The following SZT2 variants were observed in gnomAD, a reference collection of about 807,000 sequenced individuals.
SZT2 encodes the protein KICSTOR complex protein SZT2.
SZT2 carries 216 observed loss-of-function variants against 404.2 expected under a neutral mutation model. That is an observed-to-expected ratio of 0.53 (90% CI 0.48 to 0.60). The LOEUF is 0.60. Ranked by LOEUF, SZT2 falls within the 20% of genes least tolerant of loss-of-function variation. The probability of loss-of-function intolerance (pLI) is 0.00; values close to 1 mark genes in which losing one functional copy is unlikely to be tolerated. For synonymous variants in SZT2, 1,693 were observed against 1,749.9 expected (o/e 0.97, Z 0.81); for missense variants, 3,857 against 4,459.2 (o/e 0.86, Z 3.85).
chr1:43,436,138 A>G (rs1178826405), intron 42 of SZT2: 1 of 152,240 alleles, frequency 6.6e-6, no homozygotes, highest in African/African-American at 2.4e-5. Flanking sequence ...ACCCAGACGG[A>G]TAGAGGAAAA....
chr1:43,449,949 G>A, intron 70 of SZT2, 154 bp from the exon 71 acceptor site: 1 of 847,032 alleles, frequency 1.2e-6, no homozygotes, highest in African/African-American at 1.7e-5. Flanking sequence ...GAGGACTGAG[G>A]CTCAATTTGG....
rs369181651 is a variant in SZT2, at chr1:43,415,647, G to A, written c.631-313G>A. Among the ~76,000 whole-genome samples, 22 of 152,266 alleles carry A rather than the reference G, an allele frequency of 1.4e-4. 1 individual carries two copies. In the East Asian group the frequency reaches 3.5e-3, roughly 24 times the overall value. On this transcript the variant is annotated intron_variant, in intron 5 of 71. Transcript: ENST00000634258. ...TGACTGGTCATGTAATTTGATTGAGGTATAAAATATTTCATAACAGTGATG... is the reference window on the plus strand; with the variant it reads ...TGACTGGTCATGTAATTTGATTGAGATATAAAATATTTCATAACAGTGATG...
Position 43,440,435 on chromosome 1 carries a change from A to G in SZT2, c.7211-18A>G, listed in dbSNP as rs1211564590. 1.3e-6 allele frequency: 2 copies of G among 1,568,762 alleles called. No individual in the cohort carries two copies. Among genetic ancestry groups the G allele is most frequent in the African/African-American group, 2.7e-5 (2 of 73,110 alleles). ...TTGATGATCAGTGATGGGTGTCTGT[A>G]ATGTCTGATGTCCACAGGAAGTCTC... is the stretch of plus-strand genomic sequence containing the variant. On this transcript the variant is annotated intron_variant, in intron 51 of 71. Coordinates refer to ENST00000634258, the MANE Select transcript of SZT2 (RefSeq NM_001365999.1).
intron 1 of SZT2, among the ~76,000 whole-genome samples, chr1:43,395,324 G>GTC (rs1398878702): frequency 6.6e-6 from 1 of 152,136 alleles, no homozygotes; most frequent in Non-Finnish European, 1.5e-5. Context: ...GTGGGGCAGG[G>GTC]TCTTGCTCTG....
intron 4 of SZT2, chr1:43,405,025 CG>C (rs1342529985): frequency 1.3e-5 from 2 of 152,608 alleles, no homozygotes; most frequent in Admixed American, 6.5e-5. Context: ...TTTTTTGAGA[CG>C]GAGTTTCGCT....
At chr1:43,438,274 A>G (rs1429433032) in intron 46 of SZT2, 1 of 350,466 alleles carries the variant, frequency 2.9e-6, no homozygotes, top group African/African-American at 2.1e-5. Flanking sequence ...CACCGACCTG[A>G]TACCAGACTG....
chr1:43,428,645 C>T (rs1653481653), intron 28 of SZT2, 159 bp downstream of exon 28: 1 of 1,019,726 alleles, frequency 9.8e-7, no homozygotes, highest in Admixed American at 2.8e-5. Context: ...ATGCAGCCTT[C>T]CTCACCAATT....
intron 4 of SZT2, among the ~76,000 whole-genome samples, chr1:43,413,339 G>A (rs150766010): frequency 6.6e-6 from 1 of 152,274 alleles, no homozygotes; most frequent in African/African-American, 2.4e-5. Flanking sequence ...CCGAGATAGT[G>A]TCACTGCACT....
chr1:43,425,320 G>A lies in SZT2; in HGVS notation c.2645+113G>A, dbSNP rs529308657. ...TGATCTTGATCCCAAAGTCAGGGAG[G>A]GGGTGCGGTGTTTAGATGCTTCATC... On this transcript the variant is annotated intron_variant, in intron 18 of 71. Coordinates refer to ENST00000634258, the MANE Select transcript of SZT2 (RefSeq NM_001365999.1). The surrounding 1 kb of genome is among the most constrained non-coding windows in gnomAD (Gnocchi z 4.3). 6.6e-7 allele frequency: 1 copy of A among 1,510,142 alleles called. No individual in the cohort carries two copies. The highest frequency in any genetic ancestry group is 1.8e-5 in the Admixed American group (1 of 56,524). The allele number at this position is 1,510,142 out of a possible 1,614,324, so 93.5% of individuals were successfully genotyped here. A position where few individuals can be genotyped will look rare whatever the true frequency, so the allele number is the denominator to read the frequency against.
At position 43,425,564 on chromosome 1, in the gene SZT2, A is replaced by G; in HGVS notation, c.2736A>G (p.Pro912=). ...TGGTCACTGAGGTGTGGGTGGAGCC[A>G]CAGTATGGGCGAGTGGGACCTGGCC... is the stretch of plus-strand genomic sequence containing the variant. The part of the protein sequence containing the change: ...LNLVTEVWVE[P]QYGRVGPGPG... Residue 912 remains proline, a synonymous_variant, in exon 19 of 72, where the codon CCA becomes CCG. Coordinates refer to ENST00000634258, the MANE Select transcript of SZT2 (RefSeq NM_001365999.1). This position sits in a 1 kb window ranked among gnomAD's most constrained non-coding sequence, Gnocchi z 4.3. The G allele has an allele frequency of 6.2e-7, 1 of 1,614,192 alleles. No individual in the cohort carries two copies. The highest frequency in any genetic ancestry group is 1.6e-4 in the Middle Eastern group (1 of 6,062).
At position 43,442,584 on chromosome 1, in the gene SZT2, A is replaced by G; in HGVS notation, c.8117A>G (p.Tyr2706Cys). Reference protein sequence around the residue: ...LSQKLGLFHHYGQLDFPVRDE... With the variant: ...LSQKLGLFHHCGQLDFPVRDE... ...CAGAAGCTTGGCCTCTTCCATCATT[A>G]TGGCCAGTTGGACTTCCCCGTGCGA... Residue 2706 changes from tyrosine to cysteine, a missense_variant, in exon 58 of 72, where the codon TAT (tyrosine) becomes TGT (cysteine). By Grantham distance (194) the Tyr-to-Cys change is radical (BLOSUM62 -2). Coordinates refer to ENST00000634258, the MANE Select transcript of SZT2 (RefSeq NM_001365999.1). This position sits in a 1 kb window ranked among gnomAD's most constrained non-coding sequence, Gnocchi z 4.5. 6.2e-7 allele frequency: 1 copy of G among 1,611,914 alleles called. No individual in the cohort carries two copies.
chr1:43,427,622 G>C lies in SZT2; in HGVS notation c.3691G>C (p.Asp1231His). The change falls in exon 26 of 72, where the codon GAT becomes CAT. Residue 1231 changes from aspartate to histidine, a missense_variant. Physicochemically the swap from Asp to His is moderately conservative, Grantham distance 81. Around this residue, in one of 7 missense-constraint regions of SZT2, gnomAD observed 1,725 missense variants for 1,881.0 expected, o/e 0.92. Transcript: ENST00000634258. ...TCAGGCTTCCCAGACAGAGAGTGCG[G>C]ATGGGCCCCGGACCCGGTGTCCTGT... ...GRQASQTESA[D>H]GPRTRCPVYI... 6.2e-7 allele frequency: 1 copy of C among 1,614,222 alleles called. No individual in the cohort carries two copies. The highest frequency in any genetic ancestry group is 8.5e-7 in the Non-Finnish European group (1 of 1,180,036).
Position 43,439,053 on chromosome 1 carries a change from C to T in SZT2, c.6752C>T (p.Ser2251Phe). ...LRQNLLIFLH[S>F]PKYTDSNSRN... ...CAGAACTTGCTCATCTTCCTGCACT[C>T]TCCCAAGTACACAGATAGCAACAGC... is the stretch of plus-strand genomic sequence containing the variant. Residue 2251 changes from serine (S) to phenylalanine (F), a missense_variant, in exon 48 of 72, where the codon TCT becomes TTT. By Grantham distance (155) the Ser-to-Phe change is radical (BLOSUM62 -2). This residue lies in a region of SZT2 where 261 missense variants were observed against 372.9 expected (regional missense o/e 0.70). Coordinates refer to ENST00000634258, the MANE Select transcript of SZT2 (RefSeq NM_001365999.1). The surrounding 1 kb of genome is among the most constrained non-coding windows in gnomAD (Gnocchi z 4.2). The T allele has an allele frequency of 1.2e-6, 2 of 1,614,230 alleles. No homozygotes were observed. Among genetic ancestry groups the T allele is most frequent in the African/African-American group, 2.7e-5 (2 of 75,060 alleles).
chr1:43,432,219 T>C (rs1047331613), intron 36 of SZT2, 53 bp from the exon 37 acceptor site: 28 of 1,500,624 alleles, frequency 1.9e-5, no homozygotes, highest in African/African-American at 2.8e-5. Flanking sequence ...TAGCTCACCA[T>C]GTGTAGGGAG....
intron 70 of SZT2, 195 bp from the exon 71 acceptor site, chr1:43,449,908 C>A: frequency 1.5e-6 from 1 of 662,352 alleles, no homozygotes; most frequent in South Asian, 1.7e-5. Context: ...TGATGCAGCT[C>A]AGACAGGCTG....
At position 43,447,139 on chromosome 1, in the gene SZT2, C is replaced by T. The variant is rs1286864054; in HGVS notation, c.9257C>T (p.Pro3086Leu). The change falls in exon 66 of 72, where the codon CCC becomes CTC. Residue 3086 changes from proline to leucine, a missense_variant. Pro to Leu is a moderately conservative substitution (Grantham distance 98). Transcript: ENST00000634258. ...TTCCTGGCCCACCACCCTGACGGAC[C>T]CCACTTTGGCCGCAATCACATTTAC... ...RHFLAHHPDG[P>L]HFGRNHIYQG... 9 of 1,613,136 alleles carry T rather than the reference C, an allele frequency of 5.6e-6. No individual in the cohort carries two copies. The highest frequency in any genetic ancestry group is 2.7e-5 in the African/African-American group (2 of 74,916).
At chr1:43,433,381 A>G (rs533996623) in intron 40 of SZT2, among the ~76,000 whole-genome samples, 191 bp downstream of exon 40, 221 of 152,230 alleles carry the variant, frequency 1.5e-3, no homozygotes, top group African/African-American at 5.0e-3. Context: ...ATCACATTCA[A>G]CTGTCTTATA....
chr1:43,390,886 T>C (rs575198788), intron 1 of SZT2, among the ~76,000 whole-genome samples: 1 of 152,312 alleles, frequency 6.6e-6, no homozygotes, highest in East Asian at 1.9e-4. Context: ...AGAAATAGTA[T>C]TCATTACTGC....
rs1654884199 is a variant in SZT2 at position 43,439,941 on chromosome 1, T to C, written c.7103T>C (p.Val2368Ala). 1 of 1,613,766 alleles carries C rather than the reference T, an allele frequency of 6.2e-7. No homozygotes were observed. The highest frequency in any genetic ancestry group is 8.5e-7 in the Non-Finnish European group (1 of 1,179,832). Residue 2368 changes from valine (V) to alanine (A), a missense_variant, in exon 51 of 72, where the codon GTG becomes GCG. Coordinates refer to ENST00000634258, the MANE Select transcript of SZT2 (RefSeq NM_001365999.1). The surrounding 1 kb of genome is among the most constrained non-coding windows in gnomAD (Gnocchi z 4.2). Reference protein sequence around the residue: ...DVWEKGNISIVQLEEKLRGAA... With the variant: ...DVWEKGNISIAQLEEKLRGAA... ...TGGGAAAAGGGGAACATTAGTATTG[T>C]GCAGCTGGAGGAGAAACTCCGAGGA...
Sources: gnomAD v4.1 joint callset for allele counts (sites outside exome capture counted in the v4.1 genomes callset) on GRCh38, gnomAD v4.1.1 for gene constraint, gnomAD v4.1.1 regional missense constraint, Gnocchi (gnomAD v3.1) non-coding constraint, MANE v1.5 for transcripts, NCBI Gene and HGNC (gene_info 2026-07-23, HGNC 2026-07-21) for gene names.